Variants in FMN1 observed in about 807,000 individuals in gnomAD.
FMN1 encodes the protein formin 1.
FMN1 carries 110 observed loss-of-function variants against 132.4 expected under a neutral mutation model. The observed-to-expected ratio is 0.83, with a 90% CI of 0.71 to 0.97. The LOEUF (loss-of-function observed/expected upper bound fraction) is 0.97, where lower values mean the gene tolerates loss of function less well. Ranked by LOEUF, FMN1 falls within the 50% of genes least tolerant of loss-of-function variation. The pLI, the probability that FMN1 is intolerant of heterozygous loss-of-function variation, is 0.00. For missense variants in FMN1, 1,792 were observed against 1,705.3 expected (o/e 1.05, Z -0.90); for synonymous variants, 722 against 651.7 (o/e 1.11, Z -1.64).
chr15:32,852,185 C>CTA (rs1271505407), intron 17 of FMN1, among the ~76,000 whole-genome samples: 1 of 152,144 alleles, frequency 6.6e-6, no homozygotes, highest in Non-Finnish European at 1.5e-5. Context: ...GTTAACCTGT[C>CTA]TAAAGTTGAC....
intron 7 of FMN1, among the ~76,000 whole-genome samples, chr15:32,980,884 C>T (rs550489858): frequency 7.9e-5 from 12 of 152,090 alleles, no homozygotes; most frequent in Non-Finnish European, 1.5e-4. Flanking sequence ...CGTGGTGATG[C>T]GTGCTTGTAA....
intron 5 of FMN1, among the ~76,000 whole-genome samples, chr15:33,069,250 A>C (rs943176264): frequency 1.3e-5 from 2 of 152,308 alleles, no homozygotes; most frequent in South Asian, 2.1e-4. Context: ...TAAAAATTGC[A>C]GCCCTGTTTC....
At chr15:33,069,576 TGAGCCATGTTC>T (rs2037903240) in intron 5 of FMN1, among the ~76,000 whole-genome samples, 3 of 152,220 alleles carry the variant, frequency 2.0e-5, no homozygotes. Context: ...ATTGATAACT[TGAGCCATGTTC>T]TTCAGTACTA....
chr15:32,810,196 CG>C (rs2057825332), intron 17 of FMN1, among the ~76,000 whole-genome samples: 1 of 152,198 alleles, frequency 6.6e-6, no homozygotes, highest in Non-Finnish European at 1.5e-5. Flanking sequence ...GGATTACAGG[CG>C]TGAGCCACCG....
intron 3 of FMN1, among the ~76,000 whole-genome samples, chr15:33,168,010 T>C (rs1965176132): frequency 6.6e-6 from 1 of 152,162 alleles, no homozygotes; most frequent in Non-Finnish European, 1.5e-5. Flanking sequence ...ATGGATCCAC[T>C]AAGATCAAAC....
chr15:32,927,450 G>C (rs1026291344), intron 9 of FMN1, among the ~76,000 whole-genome samples: 2 of 152,082 alleles, frequency 1.3e-5, no homozygotes, highest in African/African-American at 4.8e-5. Flanking sequence ...GTAGAGGTGA[G>C]GTCTCACTAT....
intron 6 of FMN1, among the ~76,000 whole-genome samples, chr15:33,045,069 C>T (rs2141139902): frequency 6.6e-6 from 1 of 152,366 alleles, no homozygotes; most frequent in African/African-American, 2.4e-5. Flanking sequence ...AGGGCTGTGA[C>T]ACCTGCTTTG....
chr15:33,141,344 GT>G (rs199928403), intron 4 of FMN1, among the ~76,000 whole-genome samples: 6 of 151,976 alleles, frequency 3.9e-5, no homozygotes, highest in East Asian at 1.9e-4. Flanking sequence ...ACATCCAACT[GT>G]TTTTTTTCCC....
chr15:33,062,230 A>T (rs1039053371), intron 6 of FMN1, among the ~76,000 whole-genome samples: 44 of 152,246 alleles, frequency 2.9e-4, no homozygotes, highest in African/African-American at 1.0e-3. Context: ...CATTTATCCT[A>T]AGATAAAATA....
At chr15:33,169,393 C>G (rs1008049479) in intron 3 of FMN1, among the ~76,000 whole-genome samples, 9 of 152,042 alleles carry the variant, frequency 5.9e-5, no homozygotes, top group African/African-American at 2.2e-4. Context: ...TTAATAAAAA[C>G]AATTTCTGAA....
At chr15:32,900,673 T>C (rs193254678) in intron 13 of FMN1, among the ~76,000 whole-genome samples, 1 of 152,258 alleles carries the variant, frequency 6.6e-6, no homozygotes, top group Non-Finnish European at 1.5e-5. Context: ...TTATTAAACT[T>C]ACTTTATTAA....
chr15:33,113,055 C>G (rs1161448683), intron 4 of FMN1, among the ~76,000 whole-genome samples: 2 of 152,198 alleles, frequency 1.3e-5, no homozygotes, highest in Non-Finnish European at 2.9e-5. Flanking sequence ...GAACAAAATA[C>G]TTATATCTAA....
chr15:32,977,408 C>T (rs1317750702), intron 7 of FMN1, among the ~76,000 whole-genome samples: 2 of 152,182 alleles, frequency 1.3e-5, no homozygotes, highest in Non-Finnish European at 2.9e-5. Flanking sequence ...TGCCCTCCAT[C>T]CTCCTGAAAA....
At chr15:32,953,080 C>T (rs1395972437) in intron 9 of FMN1, among the ~76,000 whole-genome samples, 2 of 152,114 alleles carry the variant, frequency 1.3e-5, no homozygotes, top group Admixed American at 6.5e-5. Context: ...TGGAAGCGAG[C>T]GAGCATGATT....
At position 32,936,405 on chromosome 15, in the gene FMN1, T is replaced by C. The variant is rs886810478; in HGVS notation, c.3139-10144A>G. Among the ~76,000 whole-genome samples the C allele has an allele frequency of 9.2e-5, 14 of 152,330 alleles. No homozygotes were observed. In the East Asian group the frequency reaches 1.5e-3, roughly 17 times the overall value. On this transcript the variant is annotated intron_variant, in intron 9 of 20. Transcript: ENST00000616417. ...GTGTCTCTGGGGGATTTTCAAGCCT[T>C]TTTCTGTGGATAAATATTCTCTGGA...
chr15:33,066,756 G>A (rs780593301), intron 5 of FMN1: 1 of 1,613,922 alleles, frequency 6.2e-7, no homozygotes, highest in South Asian at 1.1e-5. Context: ...TGGCTCTCTT[G>A]GTCAGCATTG....
At chr15:32,988,547 C>CT (rs763556058) in intron 7 of FMN1, among the ~76,000 whole-genome samples, 8 of 152,178 alleles carry the variant, frequency 5.3e-5, no homozygotes, top group Non-Finnish European at 7.3e-5. Context: ...GTAGTCAACA[C>CT]TTTATCTTTG....
At chr15:33,026,823 G>T in intron 6 of FMN1, among the ~76,000 whole-genome samples, 1 of 152,132 alleles carries the variant, frequency 6.6e-6, no homozygotes, top group Non-Finnish European at 1.5e-5. Flanking sequence ...TACCCAGGAG[G>T]CCAGGCTACC....
intron 6 of FMN1, among the ~76,000 whole-genome samples, chr15:33,016,638 G>A (rs2035062473): frequency 1.3e-5 from 2 of 152,210 alleles, no homozygotes; most frequent in South Asian, 2.1e-4. Context: ...GCTGTTACCT[G>A]TAATGTTGAT....
Sources: allele counts gnomAD v4.1 joint callset (sites outside exome capture counted in the v4.1 genomes callset), GRCh38; gene constraint gnomAD v4.1.1; transcripts MANE v1.5; gene names NCBI Gene and HGNC (gene_info 2026-07-23, HGNC 2026-07-21).